ZNF484: variants seen among roughly 807,000 people sequenced by gnomAD.
ZNF484 encodes KRAB box containing C2H2 type zinc finger bA526D8.4.
A neutral mutation model predicts 12.9 loss-of-function variants in ZNF484; 11 were observed. The observed-to-expected ratio is 0.85, with a 90% CI of 0.54 to 1.41. ZNF484 has a LOEUF of 1.41. Among genes scored for constraint, ZNF484 ranks in the 40% most tolerant of loss-of-function variants. The pLI is 0.00. For synonymous variants in ZNF484, 289 were observed against 334.1 expected, an observed-to-expected ratio of 0.86 and a Z score of 1.47; for missense variants, 807 against 1,007.7, an observed-to-expected ratio of 0.80 and a Z score of 2.70.
intron 2 of ZNF484, among the ~76,000 whole-genome samples, chr9:92,860,236 A>C (rs1222868488): frequency 6.6e-6 from 1 of 152,216 alleles, no homozygotes; most frequent in Non-Finnish European, 1.5e-5. Flanking sequence ...CCAAAGATTT[A>C]GAGGTTACCT....
At chr9:92,856,088 A>G in intron 3 of ZNF484, 104 bp downstream of exon 3, 3 of 1,497,548 alleles carry the variant, frequency 2.0e-6, no homozygotes, top group South Asian at 2.5e-5. Context: ...AGTCTTTAGA[A>G]GTCCCACATA....
chr9:92,874,489 T>C (rs911081789), intron 2 of ZNF484, among the ~76,000 whole-genome samples: 3 of 152,076 alleles, frequency 2.0e-5, no homozygotes, highest in Admixed American at 2.0e-4. Flanking sequence ...TTTTTGTATT[T>C]TTAGTGCAGA....
intron 2 of ZNF484, among the ~76,000 whole-genome samples, chr9:92,872,624 G>A (rs1244960951): frequency 1.3e-5 from 2 of 152,096 alleles, no homozygotes; most frequent in African/African-American, 4.8e-5. Flanking sequence ...TACAAATTGT[G>A]AAATGTGGGC....
At chr9:92,875,569 C>T (rs1375818128) in intron 1 of ZNF484, among the ~76,000 whole-genome samples, 1 of 152,190 alleles carries the variant, frequency 6.6e-6, no homozygotes, top group African/African-American at 2.4e-5. Context: ...TCTTCAATTC[C>T]TCTACCCTAA....
At chr9:92,877,177 A>T (rs924265767) in intron 1 of ZNF484, among the ~76,000 whole-genome samples, 1 of 152,166 alleles carries the variant, frequency 6.6e-6, no homozygotes, top group Non-Finnish European at 1.5e-5. Flanking sequence ...CCCTAAATGT[A>T]TCCCGCATAA....
chr9:92,877,811 A>G (rs1380161776), intron 1 of ZNF484, 79 bp downstream of exon 1: 5 of 1,535,606 alleles, frequency 3.3e-6, no homozygotes, highest in Admixed American at 2.0e-5. Context: ...GACCGACCCC[A>G]TCACTGACCG....
intron 4 of ZNF484, among the ~76,000 whole-genome samples, chr9:92,853,915 T>C (rs938062929): frequency 6.6e-6 from 1 of 151,234 alleles, no homozygotes; most frequent in African/African-American, 2.4e-5. Context: ...GTTACTCACA[T>C]AATGAGGCTT....
intron 2 of ZNF484, among the ~76,000 whole-genome samples, chr9:92,866,433 A>G (rs955615869): frequency 2.0e-5 from 3 of 152,158 alleles, no homozygotes; most frequent in Non-Finnish European, 4.4e-5. Context: ...AATCAAAACC[A>G]CAATGAGATA....
chr9:92,873,951 A>G (rs1857617494), intron 2 of ZNF484, among the ~76,000 whole-genome samples: 1 of 152,232 alleles, frequency 6.6e-6, no homozygotes. Context: ...ATATACCACA[A>G]CCAAGTGGAG....
At position 92,850,851 on chromosome 9, in the gene ZNF484, C is replaced by T. The variant is rs566689258; in HGVS notation, c.236-2300G>A. ...ACCTCAAGTGATCTGCCTGCCTCAG[C>T]CTCCCAAAGTGCTGGGATTACAGGT... On this transcript the variant is annotated intron_variant, in intron 4 of 4. Coordinates refer to ENST00000375495, the MANE Select transcript of ZNF484 (RefSeq NM_031486.4). 2.6e-4 allele frequency among the ~76,000 whole-genome samples: 39 copies of T among 152,316 alleles called. No homozygotes were observed. In the South Asian group the frequency reaches 7.9e-3, roughly 31 times the overall value.
Position 92,846,841 on chromosome 9 carries a change from G to T in ZNF484, c.1946C>A (p.Ser649Ter), listed in dbSNP as rs1462491582. The change falls in exon 5 of 5, where the codon TCA becomes TAA. Residue 649 changes from serine to a stop codon, truncating the protein, a stop_gained. Coordinates refer to ENST00000375495, the MANE Select transcript of ZNF484 (RefSeq NM_031486.4). LOFTEE classifies it low-confidence loss of function (END_TRUNC). ...AECGKAFTDRSNLFTHQKIHT... is the reference protein window; with the variant it reads ...AECGKAFTDR ...AATTTTCTGGTGTGTAAAGAGATTT[G>T]ATCTGTCAGTAAAAGCCTTTCCACA... 1 of 1,614,032 alleles carries T rather than the reference G, an allele frequency of 6.2e-7. No individual in the cohort carries two copies. The highest frequency in any genetic ancestry group is 1.1e-5 in the South Asian group (1 of 91,070).
intron 4 of ZNF484, among the ~76,000 whole-genome samples, chr9:92,852,784 AC>A (rs1223283508): frequency 1.4e-5 from 2 of 145,534 alleles, no homozygotes; most frequent in Non-Finnish European, 3.0e-5. Flanking sequence ...TAATCCACCC[AC>A]CTCAGCCTCC....
chr9:92,858,578 T>C (rs888604971), intron 2 of ZNF484, among the ~76,000 whole-genome samples: 1 of 151,106 alleles, frequency 6.6e-6, no homozygotes, highest in African/African-American at 2.4e-5. Context: ...TTCTGGGAGG[T>C]TTAAAATGTA....
intron 2 of ZNF484, among the ~76,000 whole-genome samples, chr9:92,863,505 A>C (rs1406908148): frequency 6.6e-6 from 1 of 152,206 alleles, no homozygotes; most frequent in African/African-American, 2.4e-5. Context: ...GCAATATTTC[A>C]TGTGAAAGAA....
chr9:92,862,278 T>A, intron 2 of ZNF484: 4 of 330,718 alleles, frequency 1.2e-5, no homozygotes, highest in Non-Finnish European at 1.7e-5. Flanking sequence ...TGTTGAGAAC[T>A]TTATGTTGTG....
At chr9:92,859,302 G>C (rs1322503255) in intron 2 of ZNF484, among the ~76,000 whole-genome samples, 2 of 151,994 alleles carry the variant, frequency 1.3e-5, no homozygotes, top group African/African-American at 4.8e-5. Context: ...AATTCCTCCT[G>C]CTAATTACCT....
At chr9:92,872,187 C>G (rs10821032) in intron 2 of ZNF484, among the ~76,000 whole-genome samples, 1 of 145,578 alleles carries the variant, frequency 6.9e-6, no homozygotes, top group South Asian at 2.2e-4. Context: ...GCCAAGATCG[C>G]GCCATTGCAC....
intron 2 of ZNF484, among the ~76,000 whole-genome samples, chr9:92,864,641 T>C (rs1856963297): frequency 1.3e-5 from 2 of 152,134 alleles, no homozygotes; most frequent in South Asian, 4.1e-4. Flanking sequence ...AAGCAAAAAA[T>C]TCAGTACCAC....
At chr9:92,869,713 A>G (rs1857319117) in intron 2 of ZNF484, among the ~76,000 whole-genome samples, 1 of 152,240 alleles carries the variant, frequency 6.6e-6, no homozygotes, top group East Asian at 1.9e-4. Context: ...CTGAAAGCCT[A>G]GAAATACCAA....
Sources: gnomAD v4.1 joint callset for allele counts (sites outside exome capture counted in the v4.1 genomes callset) on GRCh38, gnomAD v4.1.1 for gene constraint, MANE v1.5 for transcripts, NCBI Gene and HGNC (gene_info 2026-07-23, HGNC 2026-07-21) for gene names.